The following KRT75 variants were observed in gnomAD, a reference collection of about 807,000 sequenced individuals.
KRT75 encodes keratin 75.
KRT75 carries 35 observed loss-of-function variants against 48.8 expected under a neutral mutation model. The observed-to-expected ratio is 0.72, with a 90% CI of 0.55 to 0.95. The LOEUF is 0.95. KRT75 is among the 40% of genes least tolerant of loss of function. The probability of loss-of-function intolerance (pLI) is 0.00; values close to 1 mark genes in which losing one functional copy is unlikely to be tolerated. For synonymous variants in KRT75, 301 were observed against 282.3 expected, an observed-to-expected ratio of 1.07 and a Z score of -0.66; for missense variants, 776 against 709.9, an observed-to-expected ratio of 1.09 and a Z score of -1.06.
rs757342495 is a variant in KRT75, at chr12:52,433,784, G to A, written c.498+23C>T. On this transcript the variant is annotated intron_variant, in intron 1 of 8. Coordinates refer to ENST00000252245, the MANE Select transcript of KRT75 (RefSeq NM_004693.3). Reference sequence around the variant, plus strand: ...AGTTTATTTGATCCCAAACCCAAGGGGGTGGATGAAGCCCCTGCTTACCTT... The same window carrying A: ...AGTTTATTTGATCCCAAACCCAAGGAGGTGGATGAAGCCCCTGCTTACCTT... 2.4e-5 allele frequency: 38 copies of A among 1,613,908 alleles called. No individual in the cohort carries two copies. In the Middle Eastern group the frequency reaches 1.2e-3, roughly 49 times the overall value.
Position 52,433,203 on chromosome 12 carries a change from A to G in KRT75, c.548T>C (p.Leu183Pro). 6.2e-7 allele frequency: 1 copy of G among 1,613,974 alleles called. No homozygotes were observed. The highest frequency in any genetic ancestry group is 8.5e-7 in the Non-Finnish European group (1 of 1,179,920). Residue 183 changes from leucine (L) to proline (P), a missense_variant, in exon 2 of 9, where the codon CTC (leucine) becomes CCC (proline). Transcript: ENST00000252245. ...QNKVLETKWA[L>P]LQEQGSRTVR... ...AGTCCTGGAGCCCTGCTCCTGCAGGAGGGCCCACTTGGTCTCCAGGACCTT... is the reference window on the plus strand; with the variant it reads ...AGTCCTGGAGCCCTGCTCCTGCAGGGGGGCCCACTTGGTCTCCAGGACCTT...
Position 52,428,487 on chromosome 12 carries a change from A to C in KRT75, c.1162-11T>G, listed in dbSNP as rs1940102824. 2 of 1,612,980 alleles carry C rather than the reference A, an allele frequency of 1.2e-6. No homozygotes were observed. The highest frequency in any genetic ancestry group is 1.7e-6 in the Non-Finnish European group (2 of 1,179,356). On this transcript the variant is annotated splice_polypyrimidine_tract_variant and intron_variant, in intron 6 of 8. Coordinates refer to ENST00000252245, the MANE Select transcript of KRT75 (RefSeq NM_004693.3). Reference sequence around the variant, plus strand: ...TTGCAAGCTGGAACACTGTAAGGACAGGAGGAAGCCATGAGTCCTGCTGAC... The same window carrying C: ...TTGCAAGCTGGAACACTGTAAGGACCGGAGGAAGCCATGAGTCCTGCTGAC...
At chr12:52,427,785 T>A (rs1239790664) in intron 7 of KRT75, among the ~76,000 whole-genome samples, 1 of 152,208 alleles carries the variant, frequency 6.6e-6, no homozygotes, top group African/African-American at 2.4e-5. Context: ...AGCTCCTAAC[T>A]GGCAGAGCAC....
Position 52,434,211 on chromosome 12 carries a change from A to C in KRT75, c.94T>G (p.Phe32Val), listed in dbSNP as rs1055218770. The C allele has an allele frequency of 2.8e-5, 45 of 1,600,266 alleles. No homozygotes were observed. The highest frequency in any genetic ancestry group is 3.8e-5 in the Non-Finnish European group (44 of 1,172,194). ...AITPAAGRSR[F>V]SSVSVARSAA... is the part of the protein sequence containing the mutation. Reference sequence around the variant, plus strand: ...GAGCGGGCCACAGAGACAGAGCTGAAGCGGGAGCGGCCAGCTGCCGGGGTG... The same window carrying C: ...GAGCGGGCCACAGAGACAGAGCTGACGCGGGAGCGGCCAGCTGCCGGGGTG... Residue 32 changes from phenylalanine (F) to valine (V), a missense_variant, in exon 1 of 9, where the codon TTC becomes GTC. Phe to Val is a conservative substitution (Grantham distance 50). Coordinates refer to ENST00000252245, the MANE Select transcript of KRT75 (RefSeq NM_004693.3).
chr12:52,433,823 G>C lies in KRT75; in HGVS notation c.482C>G (p.Ala161Gly). Reference sequence around the variant, plus strand: ...CCTGCTTACCTTGTCGATGAAGGAGGCGAACTTATTGTTGAGGGTCTTGAT... The same window carrying C: ...CCTGCTTACCTTGTCGATGAAGGAGCCGAACTTATTGTTGAGGGTCTTGAT... ...EQIKTLNNKF[A>G]SFIDKVRFLE... The change falls in exon 1 of 9, where the codon GCC becomes GGC. Residue 161 changes from alanine to glycine, a missense_variant. Coordinates refer to ENST00000252245, the MANE Select transcript of KRT75 (RefSeq NM_004693.3). 1 of 1,614,174 alleles carries C rather than the reference G, an allele frequency of 6.2e-7. No individual in the cohort carries two copies. The highest frequency in any genetic ancestry group is 1.1e-5 in the South Asian group (1 of 91,080).
At position 52,426,814 on chromosome 12, in the gene KRT75, C is replaced by A; in HGVS notation, c.1417+3G>T. ...AATGGCCCAAGAAGTATGTCATACT[C>A]ACAAATGTTAACTGGAGAAACTCCC... On this transcript the variant is annotated splice_donor_region_variant and intron_variant, in intron 8 of 8. Coordinates refer to ENST00000252245, the MANE Select transcript of KRT75 (RefSeq NM_004693.3). 6.2e-7 allele frequency: 1 copy of A among 1,614,040 alleles called. No homozygotes were observed. Among genetic ancestry groups the A allele is most frequent in the Non-Finnish European group, 8.5e-7 (1 of 1,179,932 alleles).
chr12:52,432,103 G>A (rs753836616), intron 2 of KRT75, 37 bp from the exon 3 acceptor site: 2 of 1,607,482 alleles, frequency 1.2e-6, no homozygotes, highest in Non-Finnish European at 1.7e-6. Flanking sequence ...TGTTGAGCAA[G>A]TCTGCATTGA....
intron 5 of KRT75, 130 bp from the exon 6 acceptor site, chr12:52,428,873 A>G (rs1940108959): frequency 3.6e-6 from 4 of 1,105,508 alleles, no homozygotes; most frequent in Non-Finnish European, 4.1e-6. Flanking sequence ...TTCCCCCTGA[A>G]GCTTACAGTT....
In KRT75 at chr12:52,433,178, A is replaced by G. The variant is rs765349665; in HGVS notation, c.573T>C (p.Thr191=). 6.2e-7 allele frequency: 1 copy of G among 1,613,724 alleles called. No individual in the cohort carries two copies. Among genetic ancestry groups the G allele is most frequent in the Non-Finnish European group, 8.5e-7 (1 of 1,179,946 alleles). The change falls in exon 2 of 9, where the codon ACT becomes ACC. Residue 191 remains threonine (T), a synonymous_variant. Transcript: ENST00000252245. The part of the protein sequence containing the change: ...WALLQEQGSR[T]VRQNLEPLFD... ...AGAGGGGCTCTAGGTTCTGCCTCAC[A>G]GTCCTGGAGCCCTGCTCCTGCAGGA...
intron 5 of KRT75, among the ~76,000 whole-genome samples, chr12:52,430,159 G>A (rs1297672235): frequency 6.6e-6 from 1 of 152,110 alleles, no homozygotes; most frequent in Non-Finnish European, 1.5e-5. Context: ...TCTGTTTGCA[G>A]TTTATTTATT....
Position 52,424,292 on chromosome 12 carries a change from G to C in KRT75, c.*225C>G. The C allele has an allele frequency of 4.6e-6, 3 of 648,248 alleles. No individual in the cohort carries two copies. The highest frequency in any genetic ancestry group is 2.3e-5 in the Admixed American group (1 of 43,788). The allele number at this position is 648,248 out of a possible 1,614,324, so 40.2% of individuals were successfully genotyped here. A position where few individuals can be genotyped will look rare whatever the true frequency, so the allele number is the denominator to read the frequency against. On this transcript the variant is annotated 3_prime_UTR_variant, in exon 9 of 9. Transcript: ENST00000252245. Reference sequence around the variant, plus strand: ...TAGGCTGAATGAGAGCCTTAGGAGAGAGCAGGCTTTGGTTTCACATGTGTA... The same window carrying C: ...TAGGCTGAATGAGAGCCTTAGGAGACAGCAGGCTTTGGTTTCACATGTGTA...
At position 52,431,589 on chromosome 12, in the gene KRT75, T is replaced by G; in HGVS notation, c.824A>C (p.Lys275Thr). ...GAAGTTGATCTCCTCGGGCAGAGAT[T>G]TGACCTTGGCTTCCAGCTCCACCTT... Reference protein sequence around the residue: ...MNKVELEAKVKSLPEEINFIH... With the variant: ...MNKVELEAKVTSLPEEINFIH... The change falls in exon 4 of 9, where the codon AAA becomes ACA. Residue 275 changes from lysine to threonine, a missense_variant. Transcript: ENST00000252245. 1 of 1,614,094 alleles carries G rather than the reference T, an allele frequency of 6.2e-7. No homozygotes were observed. The highest frequency in any genetic ancestry group is 8.5e-7 in the Non-Finnish European group (1 of 1,179,904).
chr12:52,426,869 G>A lies in KRT75; in HGVS notation c.1383-18C>T, dbSNP rs1940081838. The stretch of plus-strand genomic sequence containing the variant: ...CACTCAACCTGATTGGGAAGAGCAG[G>A]GAGAAGGAAGGTTACCAATGTGGCC... On this transcript the variant is annotated intron_variant, in intron 7 of 8. Coordinates refer to ENST00000252245, the MANE Select transcript of KRT75 (RefSeq NM_004693.3). The A allele has an allele frequency of 1.9e-6, 3 of 1,613,636 alleles. No homozygotes were observed. Among genetic ancestry groups the A allele is most frequent in the South Asian group, 2.2e-5 (2 of 91,082 alleles).
At position 52,434,064 on chromosome 12, in the gene KRT75, G is replaced by C; in HGVS notation, c.241C>G (p.Arg81Gly). Residue 81 changes from arginine to glycine, a missense_variant, in exon 1 of 9, where the codon CGA (arginine) becomes GGA (glycine). Coordinates refer to ENST00000252245, the MANE Select transcript of KRT75 (RefSeq NM_004693.3). ...CTGGCCCTGCCACCAAAGCCACTTC[G>C]GCAGCTGCTGCCACACCCATTGATG... Reference protein sequence around the residue: ...VSINGCGSSCRSGFGGRASNR... With the variant: ...VSINGCGSSCGSGFGGRASNR... The C allele has an allele frequency of 1.2e-6, 2 of 1,613,982 alleles. No homozygotes were observed. The highest frequency in any genetic ancestry group is 1.1e-5 in the South Asian group (1 of 91,076).
At chr12:52,427,741 G>A (rs1399306946) in intron 7 of KRT75, among the ~76,000 whole-genome samples, 3 of 152,224 alleles carry the variant, frequency 2.0e-5, no homozygotes, top group Non-Finnish European at 2.9e-5. Context: ...AACACTGAGA[G>A]GTGGAGAGGT....
intron 5 of KRT75, among the ~76,000 whole-genome samples, 183 bp downstream of exon 5, chr12:52,430,358 A>G (rs1163560754): frequency 6.6e-6 from 1 of 152,090 alleles, no homozygotes; most frequent in Non-Finnish European, 1.5e-5. Context: ...CTGACCATGT[A>G]TTAGTGTGTC....
chr12:52,428,248 T>G lies in KRT75; in HGVS notation c.1382+8A>C, dbSNP rs1236505221. The G allele has an allele frequency of 6.2e-7, 1 of 1,613,658 alleles. No homozygotes were observed. Among genetic ancestry groups the G allele is most frequent in the African/African-American group, 1.3e-5 (1 of 75,040 alleles). ...GCTTTGAGGATGAAGTTGGTGCATC[T>G]GCCTCACCTGCACTCCTCGCCTTCC... On this transcript the variant is annotated splice_region_variant and intron_variant, in intron 7 of 8. Transcript: ENST00000252245.
chr12:52,426,504 C>T (rs1321750523), intron 8 of KRT75, among the ~76,000 whole-genome samples: 4 of 152,260 alleles, frequency 2.6e-5, no homozygotes, highest in South Asian at 4.1e-4. Context: ...GCAGCCCCAA[C>T]AAAAAGGCAG....
At position 52,433,259 on chromosome 12, in the gene KRT75, G is replaced by A. The variant is rs1278071559; in HGVS notation, c.499-7C>T. The A allele has an allele frequency of 6.2e-7, 1 of 1,611,384 alleles. No homozygotes were observed. ...GCTGCTCCAAGAACCTCACCTGGAG[G>A]GAAGAAGAGAGAATGAAACCTTGAG... On this transcript the variant is annotated splice_polypyrimidine_tract_variant and splice_region_variant and intron_variant, in intron 1 of 8. Transcript: ENST00000252245.
Sources: gnomAD v4.1 joint callset for allele counts (sites outside exome capture counted in the v4.1 genomes callset) on GRCh38, gnomAD v4.1.1 for gene constraint, MANE v1.5 for transcripts, NCBI Gene and HGNC (gene_info 2026-07-23, HGNC 2026-07-21) for gene names.